Variants in CEMIP observed in about 807,000 individuals in gnomAD.
CEMIP encodes cell migration-inducing and hyaluronan-binding protein.
CEMIP carries 105 observed loss-of-function variants against 156.9 expected under a neutral mutation model. The observed-to-expected ratio is 0.67, with a 90% CI of 0.57 to 0.79. The LOEUF is 0.79. Ranked by LOEUF, CEMIP falls within the 30% of genes least tolerant of loss-of-function variation. CEMIP has a pLI of 0.00. For missense variants in CEMIP, 1,457 were observed against 1,769.4 expected (o/e 0.82, Z 3.17); for synonymous variants, 676 against 668.4 (o/e 1.01, Z -0.17).
intron 1 of CEMIP, among the ~76,000 whole-genome samples, chr15:80,852,157 A>G (rs1189867945): frequency 6.6e-6 from 1 of 152,190 alleles, no homozygotes; most frequent in East Asian, 1.9e-4. Context: ...TTGGAACAGC[A>G]GAGTAGTGAG....
intron 1 of CEMIP, among the ~76,000 whole-genome samples, chr15:80,782,033 A>AT (rs370480803): frequency 6.6e-6 from 1 of 150,554 alleles, no homozygotes; most frequent in African/African-American, 2.4e-5. Context: ...TGAAAAAAAA[A>AT]TTCTTATTTA....
chr15:80,879,783 CGGA>C lies in CEMIP; in HGVS notation c.314_316del (p.Gly105del), dbSNP rs771133271. The C allele has an allele frequency of 6.2e-7, 1 of 1,614,166 alleles. No homozygotes were observed. Among genetic ancestry groups the C allele is most frequent in the Non-Finnish European group, 8.5e-7 (1 of 1,180,022 alleles). On this transcript the variant is annotated inframe_deletion, in exon 5 of 30. Coordinates refer to ENST00000394685, the MANE Select transcript of CEMIP (RefSeq NM_001293298.2). ...GAACCCGGCACATCCTGATTGACAA[CGGA>C]GGAGAGCTGCATGCTGGGAGTGCCC...
At chr15:80,866,565 T>G (rs1037501181) in intron 1 of CEMIP, among the ~76,000 whole-genome samples, 1 of 150,728 alleles carries the variant, frequency 6.6e-6, no homozygotes, top group African/African-American at 2.4e-5. Flanking sequence ...CCCTCCAGCC[T>G]AGGTGACAGA....
chr15:80,891,271 C>A (rs991287555), intron 10 of CEMIP, among the ~76,000 whole-genome samples: 2 of 152,188 alleles, frequency 1.3e-5, no homozygotes, highest in African/African-American at 4.8e-5. Context: ...AAACAGCATT[C>A]CTTAGACATT....
intron 1 of CEMIP, among the ~76,000 whole-genome samples, chr15:80,838,161 A>G (rs1375789525): frequency 6.6e-6 from 1 of 152,120 alleles, no homozygotes; most frequent in East Asian, 1.9e-4. Context: ...AGGAGCGGAG[A>G]TGACCCATCC....
At chr15:80,812,879 T>G (rs1896702645) in intron 1 of CEMIP, among the ~76,000 whole-genome samples, 1 of 152,182 alleles carries the variant, frequency 6.6e-6, no homozygotes, top group South Asian at 2.1e-4. Context: ...CTTGAAAGGT[T>G]TGTGTGCCCT....
At chr15:80,919,674 G>T (rs1476319596) in intron 14 of CEMIP, among the ~76,000 whole-genome samples, 1 of 152,168 alleles carries the variant, frequency 6.6e-6, no homozygotes, top group East Asian at 1.9e-4. Context: ...AATTAGCTGG[G>T]TGTGGGGGCG....
rs76151404 is a variant in CEMIP at position 80,882,707 on chromosome 15, T to C, written c.618-1468T>C. Among the ~76,000 whole-genome samples, 1,463 of 152,158 alleles carry C rather than the reference T, an allele frequency of 9.6e-3. 26 individuals carry two copies. Among genetic ancestry groups the C allele is most frequent in the African/African-American group, 0.032 (1,309 of 41,486 alleles). Reference sequence around the variant, plus strand: ...AAGTATATGTTGGAGATCTCAATAATCTGATAGATGAATGTGTATGAGTAA... The same window carrying C: ...AAGTATATGTTGGAGATCTCAATAACCTGATAGATGAATGTGTATGAGTAA... On this transcript the variant is annotated intron_variant, in intron 6 of 29. Coordinates refer to ENST00000394685, the MANE Select transcript of CEMIP (RefSeq NM_001293298.2).
chr15:80,890,671 C>A (rs1899007317), intron 10 of CEMIP, among the ~76,000 whole-genome samples: 1 of 152,070 alleles, frequency 6.6e-6, no homozygotes, highest in Non-Finnish European at 1.5e-5. Flanking sequence ...AAAATAGCTA[C>A]CCCATTTGTA....
chr15:80,883,286 T>C (rs941649854), intron 6 of CEMIP, among the ~76,000 whole-genome samples: 1 of 152,130 alleles, frequency 6.6e-6, no homozygotes, highest in Non-Finnish European at 1.5e-5. Context: ...TCACCAGGGG[T>C]ATAGATTTTG....
chr15:80,944,274 C>T (rs1316464), intron 28 of CEMIP, among the ~76,000 whole-genome samples: 5,789 of 152,048 alleles, frequency 0.038, 391 homozygotes, highest in African/African-American at 0.13. Context: ...AGCAAGACTC[C>T]GTCTCAAAAA....
intron 1 of CEMIP, among the ~76,000 whole-genome samples, chr15:80,825,235 AGTGTGT>A (rs113366050): frequency 6.6e-6 from 1 of 150,858 alleles, no homozygotes; most frequent in African/African-American, 2.4e-5. Flanking sequence ...ACCACTATGA[AGTGTGT>A]GTGTGTGTGT....
chr15:80,906,259 G>A lies in CEMIP; in HGVS notation c.1412-404G>A, dbSNP rs1289001656. Among the ~76,000 whole-genome samples, 1 of 152,346 alleles carries A rather than the reference G, an allele frequency of 6.6e-6. No homozygotes were observed. The highest frequency in any genetic ancestry group is 1.9e-4 in the East Asian group (1 of 5,176). On this transcript the variant is annotated intron_variant, in intron 12 of 29. Coordinates refer to ENST00000394685, the MANE Select transcript of CEMIP (RefSeq NM_001293298.2). The surrounding 1 kb of genome is among the most constrained non-coding windows in gnomAD (Gnocchi z 4.3). ...CTGGCCTGCCAGCCCCCAGAAAAGA[G>A]CAAGAGGAGGGCAGTCTGGAGGTGG...
intron 1 of CEMIP, among the ~76,000 whole-genome samples, chr15:80,839,970 C>A (rs1897359402): frequency 6.6e-6 from 1 of 152,190 alleles, no homozygotes; most frequent in Non-Finnish European, 1.5e-5. Context: ...AGTGACAAGT[C>A]CAAGGCCACC....
chr15:80,809,884 A>G (rs1896614913), intron 1 of CEMIP, among the ~76,000 whole-genome samples: 1 of 152,186 alleles, frequency 6.6e-6, no homozygotes, highest in Admixed American at 6.5e-5. Flanking sequence ...TGCTTTGAGT[A>G]TCTAGGTTCT....
At chr15:80,845,569 C>T (rs959687957) in intron 1 of CEMIP, among the ~76,000 whole-genome samples, 2 of 152,202 alleles carry the variant, frequency 1.3e-5, no homozygotes. Context: ...TGATCATCAC[C>T]TTCCTCTTTG....
chr15:80,871,906 G>T (rs1333319483), intron 1 of CEMIP, among the ~76,000 whole-genome samples: 1 of 152,206 alleles, frequency 6.6e-6, no homozygotes. Context: ...CAATCTGGCT[G>T]AAGTGACTAG....
chr15:80,872,992 A>C (rs1425186619), intron 1 of CEMIP, among the ~76,000 whole-genome samples: 1 of 152,184 alleles, frequency 6.6e-6, no homozygotes, highest in Non-Finnish European at 1.5e-5. Context: ...AGCTGCTGAA[A>C]ATCCAGCCAT....
intron 1 of CEMIP, among the ~76,000 whole-genome samples, chr15:80,850,002 C>T (rs113940937): frequency 1.4e-3 from 217 of 152,234 alleles, no homozygotes; most frequent in African/African-American, 5.0e-3. Flanking sequence ...GGGGAGAGGG[C>T]GGCACCGCAA....
Sources: allele counts gnomAD v4.1 joint callset (sites outside exome capture counted in the v4.1 genomes callset), GRCh38; gene constraint gnomAD v4.1.1; non-coding constraint Gnocchi (gnomAD v3.1); transcripts MANE v1.5; gene names NCBI Gene and HGNC (gene_info 2026-07-23, HGNC 2026-07-21).